AKAP6: variants seen among roughly 807,000 people sequenced by gnomAD.
AKAP6 encodes A-kinase anchoring protein 6.
AKAP6 carries 58 observed loss-of-function variants against 188.5 expected under a neutral mutation model. The ratio of observed to expected loss-of-function variants is 0.31; its 90% CI spans 0.25 to 0.38. The LOEUF (loss-of-function observed/expected upper bound fraction) is 0.38. Among genes scored for constraint, AKAP6 ranks in the 10% least tolerant of loss-of-function variants. The pLI is 1.00. For missense variants in AKAP6, 2,710 were observed against 2,740.0 expected (o/e 0.99, Z 0.24); for synonymous variants, 989 against 998.6 (o/e 0.99, Z 0.18).
At chr14:32,593,161 A>G (rs1216715667) in intron 5 of AKAP6, among the ~76,000 whole-genome samples, 1 of 152,164 alleles carries the variant, frequency 6.6e-6, no homozygotes, top group East Asian at 1.9e-4. Flanking sequence ...CATGCAACAA[A>G]TAAGAAATAA....
intron 1 of AKAP6, among the ~76,000 whole-genome samples, chr14:32,404,001 A>G (rs1889186666): frequency 6.6e-6 from 1 of 152,208 alleles, no homozygotes; most frequent in Non-Finnish European, 1.5e-5. Flanking sequence ...TTTGAAATCA[A>G]GTTCTCACGC....
chr14:32,452,389 T>C (rs1890972563), intron 2 of AKAP6, among the ~76,000 whole-genome samples: 1 of 152,224 alleles, frequency 6.6e-6, no homozygotes, highest in African/African-American at 2.4e-5. Flanking sequence ...TGTTTTAATA[T>C]ATTTTCCTAG....
rs1884301358 is a variant in AKAP6 at position 32,568,397 on chromosome 14, C to T, written c.2347-8723C>T. On this transcript the variant is annotated intron_variant, in intron 4 of 13. Transcript: ENST00000280979. The surrounding 1 kb of genome is among the most constrained non-coding windows in gnomAD (Gnocchi z 6.2). ...GGGAAATTTGACTATTCAATAACTT[C>T]ACAAGTTATTAGTAGGATAGATGGT... 6.6e-6 allele frequency among the ~76,000 whole-genome samples: 1 copy of T among 152,092 alleles called. No individual in the cohort carries two copies. Among genetic ancestry groups the T allele is most frequent in the Non-Finnish European group, 1.5e-5 (1 of 68,026 alleles).
chr14:32,716,651 T>C (rs1336838066), intron 9 of AKAP6, among the ~76,000 whole-genome samples: 2 of 131,506 alleles, frequency 1.5e-5, no homozygotes, highest in East Asian at 4.3e-4. Context: ...TAATTATATA[T>C]TATATGGTAT....
rs755599642 is a variant in AKAP6, at chr14:32,822,856, T to A, written c.5043T>A (p.Asn1681Lys). 3.7e-6 allele frequency: 6 copies of A among 1,613,932 alleles called. No individual in the cohort carries two copies. The highest frequency in any genetic ancestry group is 5.1e-6 in the Non-Finnish European group (6 of 1,179,920). Residue 1681 changes from asparagine (N) to lysine (K), a missense_variant, in exon 13 of 14, where the codon AAT (asparagine) becomes AAA (lysine). Physicochemically the swap from Asn to Lys is moderately conservative, Grantham distance 94. Coordinates refer to ENST00000280979, the MANE Select transcript of AKAP6 (RefSeq NM_004274.5). ...QMSLDIASSINEDSAASLTEL... is the reference protein window; with the variant it reads ...QMSLDIASSIKEDSAASLTEL... ...CATTGGACATAGCATCTTCTATCAA[T>A]GAAGACTCAGCGGCATCTCTAACAG...
Position 32,420,077 on chromosome 14 carries a change from T to C in AKAP6, c.-34-13383T>C, listed in dbSNP as rs141755449. 1.6e-3 allele frequency among the ~76,000 whole-genome samples: 249 copies of C among 152,242 alleles called. 1 individual carries two copies. Among genetic ancestry groups the C allele is most frequent in the African/African-American group, 5.8e-3 (240 of 41,564 alleles). ...TTTTAATCTAGGTATTTTTTAAGCT[T>C]TATGTTTGCATACAAATAGTTAAAT... On this transcript the variant is annotated intron_variant, in intron 1 of 13. Transcript: ENST00000280979.
chr14:32,686,962 C>T (rs1423184059), intron 8 of AKAP6, among the ~76,000 whole-genome samples: 2 of 152,070 alleles, frequency 1.3e-5, no homozygotes, highest in Non-Finnish European at 2.9e-5. Context: ...AATAGTTCAT[C>T]CCTCATCACG....
intron 2 of AKAP6, among the ~76,000 whole-genome samples, chr14:32,486,185 T>A (rs1317584807): frequency 1.3e-5 from 2 of 152,212 alleles, no homozygotes. Flanking sequence ...ATATCTGTTT[T>A]TGTACCAGTA....
At chr14:32,618,268 C>T (rs1353750793) in intron 7 of AKAP6, among the ~76,000 whole-genome samples, 2 of 152,008 alleles carry the variant, frequency 1.3e-5, no homozygotes, top group East Asian at 3.9e-4. Flanking sequence ...AGTGGTGAAA[C>T]CTGAGATTTT....
intron 1 of AKAP6, among the ~76,000 whole-genome samples, chr14:32,352,129 G>A (rs903355909): frequency 4.0e-5 from 6 of 149,672 alleles, no homozygotes; most frequent in Non-Finnish European, 8.9e-5. Context: ...GTGTGTGTGT[G>A]TGTGTGAAGG....
rs2034543100 is a variant in AKAP6, at chr14:32,822,183, A to C, written c.4370A>C (p.Glu1457Ala). Residue 1457 changes from glutamate (E) to alanine (A), a missense_variant, in exon 13 of 14, where the codon GAA (glutamate) becomes GCA (alanine). By Grantham distance (107) the Glu-to-Ala change is moderately radical. This residue lies in a region of AKAP6 where 2,473 missense variants were observed against 2,426.1 expected (regional missense o/e 1.02). Coordinates refer to ENST00000280979, the MANE Select transcript of AKAP6 (RefSeq NM_004274.5). ...TKHTPDCLGE[E>A]LQGKHDVFTF... ...CATACCCCTGACTGTTTGGGAGAAG[A>C]ATTACAAGGAAAACATGATGTGTTT... The C allele has an allele frequency of 1.9e-6, 3 of 1,613,762 alleles. No individual in the cohort carries two copies. The highest frequency in any genetic ancestry group is 1.1e-5 in the South Asian group (1 of 91,080).
intron 2 of AKAP6, among the ~76,000 whole-genome samples, chr14:32,523,198 G>A (rs551226507): frequency 1.4e-3 from 209 of 151,982 alleles, no homozygotes; most frequent in African/African-American, 4.8e-3. Flanking sequence ...AAGGGGGGGA[G>A]GGATAACATT....
At chr14:32,374,432 G>A (rs189771531) in intron 1 of AKAP6, among the ~76,000 whole-genome samples, 40 of 152,252 alleles carry the variant, frequency 2.6e-4, no homozygotes, top group African/African-American at 9.1e-4. Flanking sequence ...GGCAAAGATA[G>A]AAGGATGACA....
At chr14:32,770,425 T>G (rs1261114579) in intron 11 of AKAP6, among the ~76,000 whole-genome samples, 1 of 152,220 alleles carries the variant, frequency 6.6e-6, no homozygotes, top group African/African-American at 2.4e-5. Flanking sequence ...TATAGTTTTC[T>G]AGGAAGGCAA....
At chr14:32,385,040 A>G (rs1888483549) in intron 1 of AKAP6, 1 of 152,060 alleles carries the variant, frequency 6.6e-6, no homozygotes, top group Non-Finnish European at 1.5e-5. Flanking sequence ...TGAAATGATA[A>G]AAAGCTCTAG....
At chr14:32,509,047 C>A (rs1208793007) in intron 2 of AKAP6, among the ~76,000 whole-genome samples, 1 of 149,728 alleles carries the variant, frequency 6.7e-6, no homozygotes, top group Non-Finnish European at 1.5e-5. Context: ...TGGTCTTGAT[C>A]TCTTGACCTT....
intron 13 of AKAP6, 80 bp from the exon 14 acceptor site, chr14:32,829,768 T>C (rs2034780300): frequency 3.2e-6 from 2 of 620,348 alleles, no homozygotes; most frequent in Non-Finnish European, 5.8e-6. Flanking sequence ...CAGCCTTCAA[T>C]GGTTCCTCAA....
chr14:32,398,921 G>A (rs1888984867), intron 1 of AKAP6, among the ~76,000 whole-genome samples: 2 of 137,776 alleles, frequency 1.5e-5, no homozygotes, highest in African/African-American at 2.7e-5. Flanking sequence ...ATGTGATCTC[G>A]GCTCCCTGCA....
At chr14:32,711,414 C>A (rs757242900) in intron 9 of AKAP6, among the ~76,000 whole-genome samples, 1 of 152,022 alleles carries the variant, frequency 6.6e-6, no homozygotes, top group Non-Finnish European at 1.5e-5. Flanking sequence ...GTTCATTGAA[C>A]CCTACACTTC....
Sources: gnomAD v4.1 joint callset for allele counts (sites outside exome capture counted in the v4.1 genomes callset) on GRCh38, gnomAD v4.1.1 for gene constraint, gnomAD v4.1.1 regional missense constraint, Gnocchi (gnomAD v3.1) non-coding constraint, MANE v1.5 for transcripts, NCBI Gene and HGNC (gene_info 2026-07-23, HGNC 2026-07-21) for gene names.